REV3L: variants seen among roughly 807,000 people sequenced by gnomAD.
REV3L encodes the protein REV3 like, DNA directed polymerase zeta catalytic subunit.
A neutral mutation model predicts 299.4 loss-of-function variants in REV3L; 69 were observed. The ratio of observed to expected loss-of-function variants is 0.23; its 90% confidence interval spans 0.19 to 0.28. REV3L has a LOEUF of 0.28. Among genes scored for constraint, REV3L ranks in the 10% least tolerant of loss-of-function variants. The probability of loss-of-function intolerance (pLI) is 1.00; values close to 1 mark genes in which losing one functional copy is unlikely to be tolerated. For missense variants in REV3L, 3,128 were observed against 3,693.8 expected (o/e 0.85, Z 3.97); for synonymous variants, 1,238 against 1,271.4 (o/e 0.97, Z 0.56).
intron 1 of REV3L, among the ~76,000 whole-genome samples, chr6:111,434,489 G>A (rs1405261713): frequency 1.3e-5 from 2 of 151,886 alleles, no homozygotes; most frequent in Non-Finnish European, 2.9e-5. Context: ...CATGCTGGCG[G>A]GCGCCTGTAG....
chr6:111,390,218 G>A (rs1172385401), intron 5 of REV3L, 38 bp from the exon 6 acceptor site: 6 of 1,253,720 alleles, frequency 4.8e-6, no homozygotes, highest in South Asian at 2.4e-5. Flanking sequence ...ATAATTATGT[G>A]AGAGCAAACT....
At chr6:111,476,198 C>T (rs1792920362) in intron 1 of REV3L, among the ~76,000 whole-genome samples, 1 of 152,162 alleles carries the variant, frequency 6.6e-6, no homozygotes, top group Non-Finnish European at 1.5e-5. Context: ...CTCTGTCACC[C>T]AGGCTGGAAT....
At chr6:111,422,698 A>ATG (rs1190506191) in intron 1 of REV3L, among the ~76,000 whole-genome samples, 1 of 130,626 alleles carries the variant, frequency 7.7e-6, no homozygotes, top group African/African-American at 2.6e-5. Context: ...ATATATATAT[A>ATG]TATTTCCCCC....
intron 30 of REV3L, chr6:111,307,827 A>C (rs1772499459): frequency 2.3e-6 from 1 of 433,056 alleles, no homozygotes; most frequent in Non-Finnish European, 4.2e-6. Flanking sequence ...TTTAAGTTCT[A>C]GGGTATGTGC....
chr6:111,422,609 TA>T (rs1562286937), intron 1 of REV3L, among the ~76,000 whole-genome samples: 3 of 19,344 alleles, frequency 1.6e-4, no homozygotes, highest in Non-Finnish European at 3.7e-4. Flanking sequence ...TATATATATA[TA>T]TACACATATA....
chr6:111,299,844 A>G lies in REV3L; in HGVS notation c.*172T>C. On this transcript the variant is annotated 3_prime_UTR_variant, in exon 32 of 32. Coordinates refer to ENST00000368802, the MANE Select transcript of REV3L (RefSeq NM_001372078.1). ...ATTTGTACATTGTAAGAAGTGAGCT[A>G]TTCAGAGATCAACAAGTACATTTTA... 1.9e-6 allele frequency: 1 copy of G among 537,650 alleles called. No homozygotes were observed. The highest frequency in any genetic ancestry group is 3.1e-6 in the Non-Finnish European group (1 of 318,362). The allele number at this position is 537,650 out of a possible 1,614,324, so 33.3% of individuals were successfully genotyped here.
chr6:111,474,295 A>G (rs1792634699), intron 1 of REV3L, among the ~76,000 whole-genome samples: 1 of 152,230 alleles, frequency 6.6e-6, no homozygotes, highest in African/African-American at 2.4e-5. Flanking sequence ...AATACAGGTG[A>G]ATACAGATAG....
chr6:111,472,366 C>T (rs59591355), intron 1 of REV3L, among the ~76,000 whole-genome samples: 15 of 151,792 alleles, frequency 9.9e-5, no homozygotes, highest in East Asian at 9.7e-4. Flanking sequence ...TCTTTGTAAT[C>T]GTAATAAATG....
At position 111,372,685 on chromosome 6, in the gene REV3L, A is replaced by G; in HGVS notation, c.5670T>C (p.Ile1890=). The G allele has an allele frequency of 4.4e-6, 7 of 1,590,416 alleles. No homozygotes were observed. The highest frequency in any genetic ancestry group is 6.0e-6 in the Non-Finnish European group (7 of 1,169,954). Residue 1890 remains isoleucine, a synonymous_variant, in exon 13 of 32, where the codon ATT becomes ATC. Coordinates refer to ENST00000368802, the MANE Select transcript of REV3L (RefSeq NM_001372078.1). ...PLMSPPSREE[I]MATLLDHDLS... is the part of the protein sequence containing the mutation. The stretch of plus-strand genomic sequence containing the variant: ...GGTCATGATCCAACAAAGTTGCCAT[A>G]ATTTCTTCCCTACTTGGGGGGGACA...
intron 28 of REV3L, 63 bp downstream of exon 28, chr6:111,313,288 CA>C: frequency 3.4e-6 from 5 of 1,486,322 alleles, no homozygotes; most frequent in Non-Finnish European, 4.5e-6. Flanking sequence ...AGGGTAGTTA[CA>C]TTTTCACCAG....
At chr6:111,326,056 A>G (rs937497553) in intron 25 of REV3L, among the ~76,000 whole-genome samples, 9 of 152,182 alleles carry the variant, frequency 5.9e-5, no homozygotes, top group Admixed American at 1.3e-4. Flanking sequence ...TTCACTTAGC[A>G]TAATGTCCTT....
intron 6 of REV3L, 66 bp downstream of exon 6, chr6:111,390,020 C>T: frequency 9.3e-7 from 1 of 1,072,138 alleles, no homozygotes; most frequent in Non-Finnish European, 1.4e-6. Context: ...AGGCGTGAGC[C>T]ACCACACCCG....
intron 1 of REV3L, among the ~76,000 whole-genome samples, chr6:111,461,673 T>C (rs1790791379): frequency 1.3e-5 from 2 of 151,896 alleles, no homozygotes; most frequent in Non-Finnish European, 2.9e-5. Context: ...AACTATAAGG[T>C]CCTAATACTA....
intron 1 of REV3L, among the ~76,000 whole-genome samples, chr6:111,447,333 C>G (rs1426492757): frequency 6.6e-6 from 1 of 152,146 alleles, no homozygotes; most frequent in East Asian, 1.9e-4. Flanking sequence ...TATTAGAAAA[C>G]ACTTACAGAG....
intron 1 of REV3L, among the ~76,000 whole-genome samples, chr6:111,429,853 G>A (rs1356852772): frequency 6.6e-6 from 1 of 152,008 alleles, no homozygotes; most frequent in African/African-American, 2.4e-5. Flanking sequence ...AGCTCAAGTC[G>A]GACAAACACC....
At chr6:111,474,675 A>G (rs1350023908) in intron 1 of REV3L, among the ~76,000 whole-genome samples, 1 of 152,204 alleles carries the variant, frequency 6.6e-6, no homozygotes, top group African/African-American at 2.4e-5. Context: ...GAAAACTTTG[A>G]ATTAGAAGAT....
intron 16 of REV3L, 99 bp from the exon 17 acceptor site, chr6:111,359,113 G>GA (rs2114986592): frequency 1.0e-6 from 1 of 960,628 alleles, no homozygotes; most frequent in Non-Finnish European, 1.5e-6. Context: ...TAAGATTACA[G>GA]AAAAAATGGA....
At chr6:111,330,032 A>G (rs781511774) in intron 24 of REV3L, among the ~76,000 whole-genome samples, 1 of 152,174 alleles carries the variant, frequency 6.6e-6, no homozygotes, top group Non-Finnish European at 1.5e-5. Context: ...CCATACAACA[A>G]CTTCAGAGGG....
intron 9 of REV3L, 131 bp from the exon 10 acceptor site, chr6:111,381,575 G>T: frequency 1.4e-6 from 1 of 701,282 alleles, no homozygotes; most frequent in Non-Finnish European, 2.3e-6. Context: ...AATGATGCAT[G>T]CCAAATAAAA....
Sources: gnomAD v4.1 joint callset for allele counts (sites outside exome capture counted in the v4.1 genomes callset) on GRCh38, gnomAD v4.1.1 for gene constraint, MANE v1.5 for transcripts, NCBI Gene and HGNC (gene_info 2026-07-23, HGNC 2026-07-21) for gene names.